The following LAMA4 variants were observed in gnomAD, a reference collection of about 807,000 sequenced individuals.
LAMA4 encodes laminin subunit alpha 4.
A neutral mutation model predicts 207.1 loss-of-function variants in LAMA4; 127 were observed. That is an observed-to-expected ratio of 0.61 (90% confidence interval 0.53 to 0.71). The LOEUF is 0.71. LAMA4 is among the 30% of genes least tolerant of loss of function. The pLI is 0.00. For synonymous variants in LAMA4, 761 were observed against 816.0 expected (o/e 0.93, Z 1.15); for missense variants, 2,093 against 2,246.5 (o/e 0.93, Z 1.38).
rs57921394 is a variant in LAMA4 at position 112,220,632 on chromosome 6, A to C, written c.196-4163T>G. Among the ~76,000 whole-genome samples, 1,305 of 152,304 alleles carry C rather than the reference A, an allele frequency of 8.6e-3. 24 individuals carry two copies. Among genetic ancestry groups the C allele is most frequent in the African/African-American group, 0.029 (1,214 of 41,580 alleles). On this transcript the variant is annotated intron_variant, in intron 2 of 38. Coordinates refer to ENST00000230538, the MANE Select transcript of LAMA4 (RefSeq NM_001105206.3). ...AATGAATTAAGATTGTTTAACAAAG[A>C]GGACCAAGTGAATGACCTTTATACG...
chr6:112,157,414 C>T (rs149809630), intron 14 of LAMA4, among the ~76,000 whole-genome samples: 4 of 152,122 alleles, frequency 2.6e-5, no homozygotes, highest in East Asian at 1.9e-4. Context: ...TATCTTTGTT[C>T]GAGCATAGCA....
chr6:112,251,932 A>AT (rs61706463), intron 2 of LAMA4, among the ~76,000 whole-genome samples: 9 of 152,186 alleles, frequency 5.9e-5, no homozygotes, highest in South Asian at 2.1e-4. Flanking sequence ...ACTACGTGAC[A>AT]TTTTTTTTCC....
intron 24 of LAMA4, among the ~76,000 whole-genome samples, chr6:112,136,691 CAAA>C (rs57602663): frequency 5.9e-5 from 7 of 118,178 alleles, no homozygotes; most frequent in Admixed American, 2.6e-4. Flanking sequence ...GACTCTGTCT[CAAA>C]AAAAAAAAAA....
chr6:112,192,292 C>G (rs1205959292), intron 5 of LAMA4, among the ~76,000 whole-genome samples: 1 of 152,246 alleles, frequency 6.6e-6, no homozygotes, highest in East Asian at 1.9e-4. Flanking sequence ...GTTTAAGTAA[C>G]TAAGCTTGAG....
At chr6:112,153,270 T>G in intron 16 of LAMA4, among the ~76,000 whole-genome samples, 1 of 152,124 alleles carries the variant, frequency 6.6e-6, no homozygotes, top group Admixed American at 6.5e-5. Flanking sequence ...GACTATGGTT[T>G]AATTTGAAAA....
At chr6:112,193,114 G>A (rs1193869440) in intron 5 of LAMA4, among the ~76,000 whole-genome samples, 1 of 152,142 alleles carries the variant, frequency 6.6e-6, no homozygotes, top group Non-Finnish European at 1.5e-5. Context: ...GAGAGTAGCT[G>A]GAAAGAACAT....
intron 2 of LAMA4, among the ~76,000 whole-genome samples, chr6:112,238,442 G>T (rs1307058706): frequency 6.6e-6 from 1 of 152,150 alleles, no homozygotes; most frequent in Non-Finnish European, 1.5e-5. Flanking sequence ...AGGCATGGTG[G>T]CTCATGCCTG....
Position 112,132,887 on chromosome 6 carries a change from A to G in LAMA4, c.3700T>C (p.Ser1234Pro). 1 of 1,612,956 alleles carries G rather than the reference A, an allele frequency of 6.2e-7. No homozygotes were observed. The highest frequency in any genetic ancestry group is 8.5e-7 in the Non-Finnish European group (1 of 1,179,288). The part of the protein sequence containing the change: ...GYGCPEDSLI[S>P]RRAYFNGQSF... ...TGTCCATTGAAATATGCTCTGCGAG[A>G]TATCTGTGTGCCAGAACAAGTGGAG... Residue 1234 changes from serine to proline, a missense_variant, in exon 28 of 39, where the codon TCT (serine) becomes CCT (proline). Physicochemically the swap from Ser to Pro is moderately conservative, Grantham distance 74. Coordinates refer to ENST00000230538, the MANE Select transcript of LAMA4 (RefSeq NM_001105206.3).
At chr6:112,220,141 T>C (rs1554360080) in intron 2 of LAMA4, among the ~76,000 whole-genome samples, 1 of 152,154 alleles carries the variant, frequency 6.6e-6, no homozygotes, top group African/African-American at 2.4e-5. Context: ...ATGAAAACCA[T>C]TGAATGGGAT....
chr6:112,204,916 T>A (rs1201466335), intron 4 of LAMA4, among the ~76,000 whole-genome samples: 2 of 152,228 alleles, frequency 1.3e-5, no homozygotes, highest in Non-Finnish European at 2.9e-5. Flanking sequence ...CTACTCTGAC[T>A]GTTAGACTTG....
At chr6:112,253,243 T>C (rs1787590229) in intron 2 of LAMA4, 1 of 162,970 alleles carries the variant, frequency 6.1e-6, no homozygotes, top group South Asian at 1.8e-4. Flanking sequence ...TTAAATCACT[T>C]GTTCTGGATT....
chr6:112,202,577 T>A (rs1298816986), intron 4 of LAMA4, among the ~76,000 whole-genome samples: 2 of 152,164 alleles, frequency 1.3e-5, no homozygotes, highest in Non-Finnish European at 2.9e-5. Flanking sequence ...CTTACCCTAA[T>A]GGTGTTTGGA....
Position 112,140,471 on chromosome 6 carries a change from C to T in LAMA4, c.2976+289G>A, listed in dbSNP as rs541610614. On this transcript the variant is annotated intron_variant, in intron 22 of 38. Coordinates refer to ENST00000230538, the MANE Select transcript of LAMA4 (RefSeq NM_001105206.3). ...TGTGGTGACACCACAAGCTACGGACCTTCCTGTGGCAGGTGGGGGTAATAT... is the reference window on the plus strand; with the variant it reads ...TGTGGTGACACCACAAGCTACGGACTTTCCTGTGGCAGGTGGGGGTAATAT... Among the ~76,000 whole-genome samples, 40 of 152,258 alleles carry T rather than the reference C, an allele frequency of 2.6e-4. No individual in the cohort carries two copies. The South Asian group carries it at 7.9e-3, about 30-fold the overall frequency.
chr6:112,163,326 TA>T lies in LAMA4; in HGVS notation c.1668+1833del, dbSNP rs200602557. On this transcript the variant is annotated intron_variant, in intron 13 of 38. Transcript: ENST00000230538. Reference sequence around the variant, plus strand: ...TATATCTTACATATTTAAACGGTTGTAAAAAAAAATTAAAAACAAACAAAAC... The same window carrying T: ...TATATCTTACATATTTAAACGGTTGTAAAAAAAATTAAAAACAAACAAAAC... 3.5e-4 allele frequency among the ~76,000 whole-genome samples: 53 copies of T among 151,018 alleles called. No individual in the cohort carries two copies. The East Asian group carries it at 3.9e-3, about 11-fold the overall frequency.
In LAMA4 at chr6:112,150,601, T is replaced by C. The variant is rs1470373598; in HGVS notation, c.2083A>G (p.Ser695Gly). The change falls in exon 17 of 39, where the codon AGC becomes GGC. Residue 695 changes from serine to glycine, a missense_variant. By Grantham distance (56) the Ser-to-Gly change is moderately conservative (BLOSUM62 0). This residue lies in a region of LAMA4 where 1,704 missense variants were observed against 1,788.4 expected (regional missense o/e 0.95). Transcript: ENST00000230538. ...GCTAGGGCTCCACCCACACGCCTGC[T>C]AGTGTCAGCCACTGCTTCATCACTG... ...SSSDEAVADT[S>G]RRVGGALARK... The C allele has an allele frequency of 1.2e-6, 2 of 1,613,854 alleles. No individual in the cohort carries two copies. The highest frequency in any genetic ancestry group is 2.7e-5 in the African/African-American group (2 of 74,928).
intron 11 of LAMA4, among the ~76,000 whole-genome samples, 168 bp from the exon 12 acceptor site, chr6:112,172,972 A>G (rs1781811931): frequency 1.3e-5 from 2 of 152,200 alleles, no homozygotes; most frequent in African/African-American, 4.8e-5. Flanking sequence ...GAAGTAAAAA[A>G]TGCTACTTTT....
Position 112,203,856 on chromosome 6 carries a change from T to C in LAMA4, c.423-2168A>G, listed in dbSNP as rs117869650. Among the ~76,000 whole-genome samples, 708 of 152,342 alleles carry C rather than the reference T, an allele frequency of 4.6e-3. 3 individuals are homozygous for C. The highest frequency in any genetic ancestry group is 8.8e-3 in the Non-Finnish European group (600 of 68,032). On this transcript the variant is annotated intron_variant, in intron 4 of 38. Transcript: ENST00000230538. ...ACTATTAGAGACTTGAGTTTTCGTG[T>C]CTGTGAATATGCATCTAGATTTAGA...
At chr6:112,226,687 A>C (rs1785233242) in intron 2 of LAMA4, among the ~76,000 whole-genome samples, 1 of 152,238 alleles carries the variant, frequency 6.6e-6, no homozygotes, top group South Asian at 2.1e-4. Context: ...TCAATGCCAA[A>C]AATATGCTAG....
rs374481199 is a variant in LAMA4 at position 112,155,703 on chromosome 6, C to T, written c.1821G>A (p.Lys607=). ...GCCCGTTCATATCTGAACTGTGCAA[C>T]TTCCTGTTAATAAACAAACATTGTT... ...LQQEANELSR[K]LHSSDMNGLV... The change falls in exon 15 of 39, where the codon AAG becomes AAA. Residue 607 remains lysine (K), a synonymous_variant. Transcript: ENST00000230538. 1.9e-4 allele frequency: 314 copies of T among 1,613,914 alleles called. No individual in the cohort carries two copies. Among genetic ancestry groups the T allele is most frequent in the Non-Finnish European group, 2.4e-4 (286 of 1,179,940 alleles).
Sources: gnomAD v4.1 joint callset for allele counts (sites outside exome capture counted in the v4.1 genomes callset) on GRCh38, gnomAD v4.1.1 for gene constraint, gnomAD v4.1.1 regional missense constraint, MANE v1.5 for transcripts, NCBI Gene and HGNC (gene_info 2026-07-23, HGNC 2026-07-21) for gene names.